The following NEGR1 variants were observed in gnomAD, a reference collection of about 807,000 sequenced individuals.
NEGR1 encodes neuronal growth regulator 1, also known as IgLON family member 4.
A neutral mutation model predicts 40.9 loss-of-function variants in NEGR1; 10 were observed. The observed-to-expected ratio is 0.24, with a 90% CI of 0.15 to 0.42. The LOEUF is 0.42. NEGR1 is among the 10% of genes least tolerant of loss of function. The pLI is 1.00. For missense variants in NEGR1, 352 were observed against 438.9 expected (o/e 0.80, Z 1.77); for synonymous variants, 185 against 166.8 (o/e 1.11, Z -0.84).
rs145691729 is a variant in NEGR1 at position 71,831,822 on chromosome 1, A to G, written c.410-55525T>C. On this transcript the variant is annotated intron_variant, in intron 2 of 6. Coordinates refer to ENST00000357731, the MANE Select transcript of NEGR1 (RefSeq NM_173808.3). ...GACAAAAAGAAAAAAAAAAAACGCA[A>G]TGAGGCAAGAATGAGCATACTGCTT... Among the ~76,000 whole-genome samples the G allele has an allele frequency of 2.7e-3, 403 of 151,528 alleles. 3 individuals carry two copies. Among genetic ancestry groups the G allele is most frequent in the African/African-American group, 9.4e-3 (389 of 41,358 alleles).
chr1:72,172,833 C>G (rs1274664837), intron 1 of NEGR1, among the ~76,000 whole-genome samples: 2 of 152,002 alleles, frequency 1.3e-5, no homozygotes, highest in Admixed American at 1.3e-4. Flanking sequence ...GACCCTTCCT[C>G]CCCTTTTAAA....
intron 6 of NEGR1, among the ~76,000 whole-genome samples, chr1:71,520,168 TG>T (rs1647145940): frequency 6.6e-6 from 1 of 152,094 alleles, no homozygotes; most frequent in Admixed American, 6.5e-5. Flanking sequence ...CAGATTCTTC[TG>T]TAAATTGGGA....
chr1:71,515,577 C>T (rs1275285559), intron 6 of NEGR1, among the ~76,000 whole-genome samples: 3 of 54,584 alleles, frequency 5.5e-5, no homozygotes, highest in Non-Finnish European at 9.5e-5. Context: ...GAAGGAAGCG[C>T]TAAACATGGA....
At chr1:71,578,425 T>A (rs377706679) in intron 6 of NEGR1, among the ~76,000 whole-genome samples, 15 of 152,224 alleles carry the variant, frequency 9.9e-5, no homozygotes, top group Admixed American at 8.5e-4. Context: ...TGGTAAACTA[T>A]CTTTATGGGG....
chr1:71,985,465 G>T (rs1465766388), intron 1 of NEGR1, among the ~76,000 whole-genome samples: 1 of 152,060 alleles, frequency 6.6e-6, no homozygotes, highest in Non-Finnish European at 1.5e-5. Context: ...GTGTATAAAG[G>T]TTAAGCAACT....
At chr1:71,624,077 C>T (rs1650692173) in intron 4 of NEGR1, among the ~76,000 whole-genome samples, 1 of 151,940 alleles carries the variant, frequency 6.6e-6, no homozygotes, top group East Asian at 1.9e-4. Context: ...TTATTTAATG[C>T]CCTTTCAGTC....
intron 2 of NEGR1, among the ~76,000 whole-genome samples, chr1:71,884,154 A>G (rs971996195): frequency 6.6e-6 from 1 of 151,958 alleles, no homozygotes; most frequent in Non-Finnish European, 1.5e-5. Context: ...TCCTTACTCC[A>G]TCTCTTTCCT....
chr1:71,799,544 CT>C (rs555976696), intron 2 of NEGR1, among the ~76,000 whole-genome samples: 131 of 152,208 alleles, frequency 8.6e-4, no homozygotes, highest in African/African-American at 3.0e-3. Flanking sequence ...ATTTATAATC[CT>C]TTGGGTATAT....
At chr1:71,778,403 T>A (rs1456759077) in intron 2 of NEGR1, among the ~76,000 whole-genome samples, 1 of 152,272 alleles carries the variant, frequency 6.6e-6, no homozygotes, top group African/African-American at 2.4e-5. Flanking sequence ...TTTGTCACAT[T>A]ATTCTGACCA....
chr1:71,962,958 T>TA (rs543389818), intron 1 of NEGR1, among the ~76,000 whole-genome samples: 17 of 151,720 alleles, frequency 1.1e-4, no homozygotes, highest in South Asian at 2.1e-4. Flanking sequence ...ATGCTTATGA[T>TA]AAAAAAAATA....
intron 1 of NEGR1, among the ~76,000 whole-genome samples, chr1:72,151,226 T>G (rs1051250959): frequency 6.6e-6 from 1 of 151,688 alleles, no homozygotes; most frequent in African/African-American, 2.4e-5. Context: ...CAGTACATAT[T>G]TATTGATTTA....
intron 1 of NEGR1, among the ~76,000 whole-genome samples, chr1:72,095,274 A>G (rs1648655039): frequency 1.3e-5 from 2 of 152,288 alleles, no homozygotes; most frequent in African/African-American, 4.8e-5. Flanking sequence ...CATGAATATT[A>G]CTTTGAAAAT....
At chr1:71,993,126 A>C (rs141384091) in intron 1 of NEGR1, among the ~76,000 whole-genome samples, 1 of 152,150 alleles carries the variant, frequency 6.6e-6, no homozygotes, top group African/African-American at 2.4e-5. Flanking sequence ...TTCATGGCCA[A>C]ATTTGGAGTG....
intron 1 of NEGR1, among the ~76,000 whole-genome samples, chr1:72,182,912 T>C (rs928165997): frequency 3.9e-5 from 6 of 151,954 alleles, no homozygotes; most frequent in Admixed American, 1.3e-4. Flanking sequence ...ATATTTTCCT[T>C]AAAATGAAAA....
At chr1:71,605,627 C>A (rs962156842) in intron 5 of NEGR1, among the ~76,000 whole-genome samples, 2 of 152,150 alleles carry the variant, frequency 1.3e-5, no homozygotes, top group Non-Finnish European at 2.9e-5. Flanking sequence ...TTTGGATGTT[C>A]TGAAATTGTC....
intron 1 of NEGR1, among the ~76,000 whole-genome samples, chr1:71,992,169 C>T (rs998442794): frequency 1.3e-5 from 2 of 152,002 alleles, no homozygotes; most frequent in Non-Finnish European, 2.9e-5. Flanking sequence ...TTTTGAAGAA[C>T]AGCTTTAATA....
chr1:71,929,862 C>T (rs1645838465), intron 2 of NEGR1, among the ~76,000 whole-genome samples: 1 of 151,770 alleles, frequency 6.6e-6, no homozygotes, highest in Non-Finnish European at 1.5e-5. Context: ...CTTGTCAAGG[C>T]CTTAGTATTC....
At chr1:72,140,682 G>A (rs1158563828) in intron 1 of NEGR1, among the ~76,000 whole-genome samples, 2 of 151,876 alleles carry the variant, frequency 1.3e-5, no homozygotes, top group African/African-American at 4.8e-5. Context: ...TTTTTCAATC[G>A]AAATAAAATA....
At chr1:71,966,463 TG>T (rs985001313) in intron 1 of NEGR1, among the ~76,000 whole-genome samples, 1 of 152,168 alleles carries the variant, frequency 6.6e-6, no homozygotes, top group Admixed American at 6.6e-5. Context: ...ACTCTCAGCT[TG>T]GACATATTTG....
Sources: allele counts gnomAD v4.1 joint callset (sites outside exome capture counted in the v4.1 genomes callset), GRCh38; gene constraint gnomAD v4.1.1; transcripts MANE v1.5; gene names NCBI Gene and HGNC (gene_info 2026-07-23, HGNC 2026-07-21).